UPP2: variants seen among roughly 807,000 people sequenced by gnomAD.
UPP2 encodes the protein UPase 2.
A neutral mutation model predicts 26.7 loss-of-function variants in UPP2; 23 were observed. That is an observed-to-expected ratio of 0.86 (90% confidence interval 0.62 to 1.22). The LOEUF (loss-of-function observed/expected upper bound fraction) is 1.22, where lower values mean the gene tolerates loss of function less well. Ranked by LOEUF, UPP2 falls within the 50% of genes most tolerant of loss-of-function variation. UPP2 has a pLI of 0.00. For synonymous variants in UPP2, 127 were observed against 141.3 expected (o/e 0.90, Z 0.72); for missense variants, 387 against 396.7 (o/e 0.98, Z 0.21).
chr2:158,059,907 C>A (rs1682326847), intron 3 of UPP2, among the ~76,000 whole-genome samples: 1 of 152,106 alleles, frequency 6.6e-6, no homozygotes, highest in Admixed American at 6.5e-5. Context: ...CATCAAAATT[C>A]CCATTTTCTG....
At position 158,108,887 on chromosome 2, in the gene UPP2, CGTGTGTGTGTGTGTGTGTGTGTGT is replaced by C. The variant is rs748328980; in HGVS notation, c.180+2694_180+2717del. Among the ~76,000 whole-genome samples the C allele has an allele frequency of 2.5e-4, 33 of 133,128 alleles. 1 individual carries two copies. The highest frequency in any genetic ancestry group is 7.1e-4 in the African/African-American group (25 of 35,240). 87.3% of individuals were successfully genotyped at this position (133,128 alleles called of 152,430 possible). ...CATTTTGATGAATAGGAGGCAAAAG[CGTGTGTGTGTGTGTGTGTGTGTGT>C]GTGTGTGTGTGTGTGTGTGTGTTTG... is the stretch of plus-strand genomic sequence containing the variant. On this transcript the variant is annotated intron_variant, in intron 2 of 6. Coordinates refer to ENST00000005756, the MANE Select transcript of UPP2 (RefSeq NM_173355.4).
chr2:158,075,886 T>C (rs1682623022), intron 3 of UPP2, among the ~76,000 whole-genome samples: 1 of 151,160 alleles, frequency 6.6e-6, no homozygotes, highest in Non-Finnish European at 1.5e-5. Flanking sequence ...ATAAAAAAGA[T>C]CAACAAAATG....
At chr2:158,091,545 G>A (rs1458266094) in intron 3 of UPP2, among the ~76,000 whole-genome samples, 5 of 152,192 alleles carry the variant, frequency 3.3e-5, no homozygotes, top group Non-Finnish European at 7.3e-5. Flanking sequence ...TGGTATATTT[G>A]TTACCCTGTT....
chr2:158,009,674 C>T (rs1440756384), intron 2 of UPP2, among the ~76,000 whole-genome samples: 2 of 152,180 alleles, frequency 1.3e-5, no homozygotes, highest in African/African-American at 4.8e-5. Flanking sequence ...TTTGAGTTAG[C>T]GCAACGCAGA....
chr2:158,016,169 C>A (rs1683655806), intron 3 of UPP2, among the ~76,000 whole-genome samples: 2 of 147,552 alleles, frequency 1.4e-5, no homozygotes, highest in South Asian at 4.2e-4. Context: ...ATTACTTTTT[C>A]TTGATGTCAA....
chr2:158,039,313 T>C (rs1684052102), intron 3 of UPP2, among the ~76,000 whole-genome samples: 1 of 152,206 alleles, frequency 6.6e-6, no homozygotes, highest in Non-Finnish European at 1.5e-5. Flanking sequence ...GCAAGCTGTG[T>C]CACATTGAGC....
At chr2:158,034,326 T>C (rs1307375808) in intron 3 of UPP2, among the ~76,000 whole-genome samples, 1 of 152,194 alleles carries the variant, frequency 6.6e-6, no homozygotes, top group Non-Finnish European at 1.5e-5. Context: ...CAGGGAAAGC[T>C]CTCTGTTCCT....
intron 3 of UPP2, among the ~76,000 whole-genome samples, chr2:158,032,176 T>C (rs1010589732): frequency 3.9e-5 from 6 of 152,182 alleles, no homozygotes; most frequent in African/African-American, 1.2e-4. Flanking sequence ...AATGCAGCAT[T>C]GGGAGCAGAT....
rs551527386 is a variant in UPP2, at chr2:158,123,764, A to G, written c.680A>G (p.Asp227Gly). 62 of 1,614,022 alleles carry G rather than the reference A, an allele frequency of 3.8e-5. No individual in the cohort carries two copies. In the East Asian group the frequency reaches 1.4e-3, roughly 35 times the overall value. ...YDFYEGQGRL[D>G]GALCSFSREK... is the part of the protein sequence containing the mutation. ...TCCCTTTCAGGCCAAGGCCGACTAG[A>G]TGGAGCACTGTGCTCCTTTTCCAGA... is the stretch of plus-strand genomic sequence containing the variant. Residue 227 changes from aspartate to glycine, a missense_variant, in exon 6 of 7, where the codon GAT becomes GGT. By Grantham distance (94) the Asp-to-Gly change is moderately conservative. Coordinates refer to ENST00000005756, the MANE Select transcript of UPP2 (RefSeq NM_173355.4).
intron 2 of UPP2, among the ~76,000 whole-genome samples, chr2:158,109,736 T>C (rs567470165): frequency 5.9e-5 from 9 of 152,340 alleles, no homozygotes; most frequent in African/African-American, 1.9e-4. Flanking sequence ...GCAAACTGTT[T>C]AGGTGAACAG....
chr2:158,078,558 T>C (rs370678796), intron 3 of UPP2, among the ~76,000 whole-genome samples: 4 of 152,080 alleles, frequency 2.6e-5, no homozygotes, highest in Admixed American at 1.3e-4. Flanking sequence ...ACTTCACTTA[T>C]TTGTGGGAGA....
intron 3 of UPP2, among the ~76,000 whole-genome samples, chr2:158,074,469 C>G (rs959472698): frequency 4.6e-5 from 7 of 151,902 alleles, no homozygotes; most frequent in African/African-American, 1.7e-4. Context: ...TTTTTTGTTG[C>G]TTGTTTATTT....
intron 3 of UPP2, among the ~76,000 whole-genome samples, chr2:158,023,631 G>C (rs1012984348): frequency 1.3e-5 from 2 of 152,102 alleles, no homozygotes; most frequent in Non-Finnish European, 2.9e-5. Context: ...TTGGGACATG[G>C]AGCTTTGGGG....
intron 3 of UPP2, among the ~76,000 whole-genome samples, chr2:158,061,841 A>G (rs1229305904): frequency 6.6e-6 from 1 of 152,236 alleles, no homozygotes; most frequent in Non-Finnish European, 1.5e-5. Flanking sequence ...GCGTGCACAG[A>G]TCAGGTAATC....
intron 6 of UPP2, 135 bp from the exon 7 acceptor site, chr2:158,134,613 T>G: frequency 1.9e-6 from 2 of 1,059,918 alleles, no homozygotes; most frequent in South Asian, 4.9e-5. Flanking sequence ...GTTCAGTAGG[T>G]TGCATCTACA....
At position 158,118,476 on chromosome 2, in the gene UPP2, A is replaced by G. The variant is rs554297022; in HGVS notation, c.454+538A>G. Among the ~76,000 whole-genome samples, 9 of 152,082 alleles carry G rather than the reference A, an allele frequency of 5.9e-5. No homozygotes were observed. In the East Asian group the frequency reaches 1.4e-3, roughly 23 times the overall value. On this transcript the variant is annotated intron_variant, in intron 4 of 6. Transcript: ENST00000005756. ...AGGGAAGGCTTAAGTGATGCTTCCT[A>G]TAGTTTTCACAGAGCCTCCCAACCT...
chr2:158,064,089 G>A (rs1574270544), intron 3 of UPP2, among the ~76,000 whole-genome samples: 1 of 152,148 alleles, frequency 6.6e-6, no homozygotes. Flanking sequence ...AGAATGATTT[G>A]TAATCCTTTC....
intron 3 of UPP2, among the ~76,000 whole-genome samples, chr2:158,046,917 G>A (rs1684163887): frequency 6.6e-6 from 1 of 152,084 alleles, no homozygotes; most frequent in Non-Finnish European, 1.5e-5. Context: ...TTAATAAGAT[G>A]TTGCCATTAT....
At chr2:158,072,032 C>A (rs1682550878) in intron 3 of UPP2, among the ~76,000 whole-genome samples, 1 of 152,112 alleles carries the variant, frequency 6.6e-6, no homozygotes, top group African/African-American at 2.4e-5. Flanking sequence ...TCTTGGGGAC[C>A]CTGAGTCTAG....
Sources: allele counts gnomAD v4.1 joint callset (sites outside exome capture counted in the v4.1 genomes callset), GRCh38; gene constraint gnomAD v4.1.1; transcripts MANE v1.5; gene names NCBI Gene and HGNC (gene_info 2026-07-23, HGNC 2026-07-21).